STPG2: variants seen among roughly 807,000 people sequenced by gnomAD.
STPG2 encodes sperm-tail PG-rich repeat-containing protein 2.
A neutral mutation model predicts 54.2 loss-of-function variants in STPG2; 56 were observed. The observed-to-expected ratio is 1.03, with a 90% confidence interval of 0.83 to 1.29. STPG2 has a LOEUF of 1.29. Ranked by LOEUF, STPG2 falls within the 50% of genes most tolerant of loss-of-function variation. The probability of loss-of-function intolerance (pLI) is 0.00; values close to 1 mark genes in which losing one functional copy is unlikely to be tolerated. For missense variants in STPG2, 596 were observed against 544.9 expected, an observed-to-expected ratio of 1.09 and a Z score of -0.93; for synonymous variants, 200 against 181.8, an observed-to-expected ratio of 1.10 and a Z score of -0.81.
intron 5 of STPG2, among the ~76,000 whole-genome samples, chr4:98,020,639 A>T (rs927375387): frequency 6.6e-6 from 1 of 152,128 alleles, no homozygotes; most frequent in Non-Finnish European, 1.5e-5. Flanking sequence ...CTGTGAATCC[A>T]TCTGGTCCTG....
chr4:97,798,472 A>G (rs28887559), intron 9 of STPG2, among the ~76,000 whole-genome samples: 3 of 152,118 alleles, frequency 2.0e-5, no homozygotes, highest in Non-Finnish European at 4.4e-5. Context: ...GGTTGTTCAG[A>G]TTCTATGCAG....
chr4:97,876,230 A>T (rs1730165562), intron 8 of STPG2, among the ~76,000 whole-genome samples: 1 of 152,122 alleles, frequency 6.6e-6, no homozygotes, highest in Non-Finnish European at 1.5e-5. Flanking sequence ...TGAGACTCAT[A>T]TGAAGAAACA....
intron 4 of STPG2, among the ~76,000 whole-genome samples, chr4:97,497,119 T>C (rs1730627336): frequency 6.6e-6 from 1 of 151,650 alleles, no homozygotes; most frequent in African/African-American, 2.4e-5. Flanking sequence ...AGTTTTAAAA[T>C]TTACTTATTC....
chr4:97,984,965 T>C (rs17027094), intron 5 of STPG2, among the ~76,000 whole-genome samples: 19,343 of 152,170 alleles, frequency 0.13, 1,880 homozygotes, highest in African/African-American at 0.26. Flanking sequence ...ACTAACATCA[T>C]TGTTTTCTGG....
intron 1 of STPG2, among the ~76,000 whole-genome samples, chr4:98,141,176 T>A (rs545244890): frequency 3.3e-5 from 5 of 152,156 alleles, no homozygotes; most frequent in African/African-American, 9.7e-5. Flanking sequence ...TACTTTCCAA[T>A]CTGACTCTGG....
intron 4 of STPG2, among the ~76,000 whole-genome samples, chr4:97,473,870 A>C (rs1560623790): frequency 6.6e-6 from 1 of 152,112 alleles, no homozygotes; most frequent in African/African-American, 2.4e-5. Flanking sequence ...AAGAACCTAC[A>C]TGAAATATCG....
chr4:97,679,364 C>T (rs1722955228), intron 10 of STPG2, among the ~76,000 whole-genome samples: 1 of 152,086 alleles, frequency 6.6e-6, no homozygotes, highest in Non-Finnish European at 1.5e-5. Context: ...ATTTGCATTT[C>T]TCTGATGGCC....
chr4:98,121,948 T>C (rs1739692912), intron 3 of STPG2, among the ~76,000 whole-genome samples: 2 of 152,052 alleles, frequency 1.3e-5, no homozygotes. Flanking sequence ...TCTCAATCTC[T>C]TGACCTCGTG....
chr4:97,558,253 C>G (rs1031808231), downstream of STPG2, among the ~76,000 whole-genome samples: 1 of 152,078 alleles, frequency 6.6e-6, no homozygotes, highest in Non-Finnish European at 1.5e-5. Context: ...GATTTGTGGA[C>G]TATATAAATC....
intron 9 of STPG2, 32 bp from the exon 10 acceptor site, chr4:97,712,846 A>C (rs1724169146): frequency 6.2e-6 from 9 of 1,444,338 alleles, no homozygotes; most frequent in South Asian, 1.3e-5. Context: ...AATTATGATA[A>C]AGTATATTTT....
At chr4:98,065,755 A>C (rs1737814675) in intron 5 of STPG2, among the ~76,000 whole-genome samples, 1 of 152,196 alleles carries the variant, frequency 6.6e-6, no homozygotes, top group African/African-American at 2.4e-5. Flanking sequence ...AAAGAGAAAA[A>C]CCCAGATCCT....
chr4:97,703,788 A>G (rs1028558591), intron 10 of STPG2, among the ~76,000 whole-genome samples: 4 of 146,684 alleles, frequency 2.7e-5, no homozygotes, highest in Middle Eastern at 3.6e-3. Flanking sequence ...GTGTGTGTGT[A>G]TATATATGTG....
At chr4:97,541,926 A>T (rs1731717773) in intron 4 of STPG2, among the ~76,000 whole-genome samples, 1 of 152,132 alleles carries the variant, frequency 6.6e-6, no homozygotes. Flanking sequence ...ATATGTAGAA[A>T]GCTGAAACTG....
At chr4:97,903,519 G>T (rs1019792662) in intron 8 of STPG2, among the ~76,000 whole-genome samples, 6 of 151,378 alleles carry the variant, frequency 4.0e-5, no homozygotes, top group Non-Finnish European at 7.4e-5. Flanking sequence ...AATAAATATA[G>T]AATCAAAAAT....
intron 3 of STPG2, among the ~76,000 whole-genome samples, chr4:98,124,476 C>G (rs563636020): frequency 3.3e-5 from 5 of 152,278 alleles, no homozygotes; most frequent in African/African-American, 9.6e-5. Context: ...GTTGGAAATT[C>G]TTTTCTTTCA....
intron 10 of STPG2, among the ~76,000 whole-genome samples, chr4:97,710,769 A>C (rs1724088378): frequency 6.6e-6 from 1 of 152,080 alleles, no homozygotes; most frequent in Non-Finnish European, 1.5e-5. Context: ...AAGAAGGAAA[A>C]TTATGAAAAA....
At chr4:97,664,284 G>T (rs1268355522) in intron 10 of STPG2, among the ~76,000 whole-genome samples, 3 of 152,112 alleles carry the variant, frequency 2.0e-5, no homozygotes, top group Admixed American at 6.5e-5. Context: ...ATCAGCAGTG[G>T]CAGCAATACA....
At chr4:97,807,644 TG>T (rs1309838769) in intron 9 of STPG2, among the ~76,000 whole-genome samples, 2 of 150,176 alleles carry the variant, frequency 1.3e-5, no homozygotes, top group African/African-American at 4.9e-5. Flanking sequence ...GGATAGAAAA[TG>T]AAAAAGTTGT....
chr4:97,940,079 T>C (rs955913222), intron 8 of STPG2, among the ~76,000 whole-genome samples: 6 of 152,214 alleles, frequency 3.9e-5, no homozygotes, highest in Non-Finnish European at 7.3e-5. Context: ...TAGCTGGATA[T>C]AAAATTCTTG....
Sources: allele counts gnomAD v4.1 joint callset (sites outside exome capture counted in the v4.1 genomes callset), GRCh38; gene constraint gnomAD v4.1.1; transcripts MANE v1.5; gene names NCBI Gene and HGNC (gene_info 2026-07-23, HGNC 2026-07-21).